TOP3A: variants seen among roughly 807,000 people sequenced by gnomAD.
TOP3A encodes DNA topoisomerase 3-alpha.
TOP3A carries 64 observed loss-of-function variants against 111.3 expected under a neutral mutation model. That is an observed-to-expected ratio of 0.57 (90% CI 0.47 to 0.71). The LOEUF (loss-of-function observed/expected upper bound fraction) is 0.71. TOP3A is among the 30% of genes least tolerant of loss of function. The pLI is 0.00. For synonymous variants in TOP3A, 484 were observed against 485.1 expected, an observed-to-expected ratio of 1.00 and a Z score of 0.03; for missense variants, 1,104 against 1,285.0, an observed-to-expected ratio of 0.86 and a Z score of 2.15.
At chr17:18,294,620 GC>G in intron 10 of TOP3A, 82 bp downstream of exon 10, 1 of 1,081,472 alleles carries the variant, frequency 9.2e-7, no homozygotes, top group Non-Finnish European at 1.4e-6. Flanking sequence ...GAGCCACCGT[GC>G]CCAACCCATA....
Position 18,282,720 on chromosome 17 carries a change from G to A in TOP3A, c.1999C>T (p.Leu667Phe). The A allele has an allele frequency of 6.2e-7, 1 of 1,613,868 alleles. No homozygotes were observed. Among genetic ancestry groups the A allele is most frequent in the Admixed American group, 1.7e-5 (1 of 60,022 alleles). Residue 667 changes from leucine to phenylalanine, a missense_variant, in exon 16 of 19, where the codon CTT becomes TTT. Physicochemically the swap from Leu to Phe is conservative, Grantham distance 22. Transcript: ENST00000321105. ...CACCCGCCATTCTTCTTGGTCTTAA[G>A]GACCATGTCCTTGTTGCACTGTGGG... Reference protein sequence around the residue: ...KCPQCNKDMVLKTKKNGGFYL... With the variant: ...KCPQCNKDMVFKTKKNGGFYL...
At chr17:18,295,200 T>G (rs1980721399) in intron 9 of TOP3A, among the ~76,000 whole-genome samples, 2 of 152,156 alleles carry the variant, frequency 1.3e-5, no homozygotes, top group Non-Finnish European at 2.9e-5. Context: ...TCGCCTAGGC[T>G]GGAGTGCAGT....
intron 13 of TOP3A, among the ~76,000 whole-genome samples, chr17:18,289,898 G>A (rs1167176689): frequency 6.6e-6 from 1 of 152,190 alleles, no homozygotes; most frequent in Non-Finnish European, 1.5e-5. Flanking sequence ...CCCCTCCACT[G>A]TGCTGCAGGT....
intron 16 of TOP3A, among the ~76,000 whole-genome samples, chr17:18,281,792 A>G (rs1215666442): frequency 6.6e-6 from 1 of 152,210 alleles, no homozygotes; most frequent in African/African-American, 2.4e-5. Flanking sequence ...TTCAGCAGCA[A>G]GGAGCACAGC....
chr17:18,299,441 G>A, intron 9 of TOP3A, 118 bp downstream of exon 9: 1 of 867,240 alleles, frequency 1.2e-6, no homozygotes, highest in Non-Finnish European at 2.0e-6. Flanking sequence ...GTGTTTTCTT[G>A]TGTGGCCTGG....
chr17:18,280,664 G>A lies in TOP3A; in HGVS notation c.2022-6C>T, dbSNP rs201655425. ...CCATGCAGCTGAGGTAGAACCTGGGGACAAAGTGCCATGTCAGATGATAGG... is the reference window on the plus strand; with the variant it reads ...CCATGCAGCTGAGGTAGAACCTGGGAACAAAGTGCCATGTCAGATGATAGG... On this transcript the variant is annotated splice_polypyrimidine_tract_variant and splice_region_variant and intron_variant, in intron 16 of 18. Coordinates refer to ENST00000321105, the MANE Select transcript of TOP3A (RefSeq NM_004618.5). The A allele has an allele frequency of 9.5e-5, 154 of 1,613,908 alleles. No homozygotes were observed. The African/African-American group carries it at 1.6e-3, about 17-fold the overall frequency.
rs1567733601 is a variant in TOP3A at position 18,277,963 on chromosome 17, G to A, written c.2539C>T (p.Leu847=). ...CCCGGATTGGGGCTGTCTGCCCACA[G>A]GAAGAAGTTGCAGCTACCTCCGTTG... ...KCNGGSCNFF[L]WADSPNPGAG... is the part of the protein sequence containing the mutation. Residue 847 remains leucine (L), a synonymous_variant, in exon 18 of 19, where the codon CTG becomes TTG. Coordinates refer to ENST00000321105, the MANE Select transcript of TOP3A (RefSeq NM_004618.5). 1 of 1,614,050 alleles carries A rather than the reference G, an allele frequency of 6.2e-7. No homozygotes were observed. Among genetic ancestry groups the A allele is most frequent in the Non-Finnish European group, 8.5e-7 (1 of 1,180,044 alleles).
intron 1 of TOP3A, chr17:18,312,954 C>G (rs965033634): frequency 6.6e-6 from 1 of 152,230 alleles, no homozygotes; most frequent in African/African-American, 2.4e-5. Flanking sequence ...ACTAAAAATA[C>G]AAAAAATTAG....
rs1248114188 is a variant in TOP3A at position 18,313,849 on chromosome 17, A to G, written c.180+750T>C. On this transcript the variant is annotated intron_variant, in intron 1 of 18. Transcript: ENST00000321105. ...AAAAATGAGCAGGGAACTTCCACCCATGCTCTTAGAAAAGTTCTCCAGAAA... is the reference window on the plus strand; with the variant it reads ...AAAAATGAGCAGGGAACTTCCACCCGTGCTCTTAGAAAAGTTCTCCAGAAA... 3.3e-5 allele frequency among the ~76,000 whole-genome samples: 5 copies of G among 152,168 alleles called. No individual in the cohort carries two copies. The East Asian group carries it at 9.6e-4, about 29-fold the overall frequency.
Position 18,272,978 on chromosome 17 carries a change from A to C in TOP3A, c.*1824T>G, listed in dbSNP as rs56360702. ...CCTGGTATGATTCCATTTAAACAAA[A>C]TATCCAGAGTAGGTAAACCCACAGA... On this transcript the variant is annotated 3_prime_UTR_variant, in exon 19 of 19. Transcript: ENST00000321105. 0.11 allele frequency: 16,616 copies of C among 152,226 alleles called. 1,024 individuals are homozygous for C. The highest frequency in any genetic ancestry group is 0.18 in the South Asian group (881 of 4,824). The allele number at this position is 152,226 out of a possible 1,614,324, so 9.4% of individuals were successfully genotyped here.
chr17:18,289,326 G>T (rs1456764797), intron 13 of TOP3A, among the ~76,000 whole-genome samples: 1 of 141,280 alleles, frequency 7.1e-6, no homozygotes, highest in African/African-American at 2.7e-5. Context: ...GATCTGTTTT[G>T]TTGTTGTTGT....
In TOP3A at chr17:18,306,913, G is replaced by A. The variant is rs1981612687; in HGVS notation, c.368C>T (p.Pro123Leu). The change falls in exon 4 of 19, where the codon CCA (proline) becomes CTA (leucine). Residue 123 changes from proline (P) to leucine (L), a missense_variant. Coordinates refer to ENST00000321105, the MANE Select transcript of TOP3A (RefSeq NM_004618.5). ...LFEAEIEKYCPENFVDIKKTL... is the reference protein window; with the variant it reads ...LFEAEIEKYCLENFVDIKKTL... ...TACCTTGATGTCTACAAAATTCTCT[G>A]GGCAGTACTTTTCAATTTCTGCTTC... is the stretch of plus-strand genomic sequence containing the variant. 6.2e-7 allele frequency: 1 copy of A among 1,613,422 alleles called. No homozygotes were observed. Among genetic ancestry groups the A allele is most frequent in the African/African-American group, 1.3e-5 (1 of 75,006 alleles).
chr17:18,305,227 T>C lies in TOP3A; in HGVS notation c.391-7A>G. 1.2e-6 allele frequency: 2 copies of C among 1,611,204 alleles called. No homozygotes were observed. Among genetic ancestry groups the C allele is most frequent in the South Asian group, 2.2e-5 (2 of 91,004 alleles). On this transcript the variant is annotated splice_region_variant and splice_polypyrimidine_tract_variant and intron_variant, in intron 4 of 18. Transcript: ENST00000321105. ...TCTCTCGTTCCAAAGTTTTCTTAAG[T>C]TCGCAGTGGAATAAGAGTGGTGAGA...
intron 15 of TOP3A, among the ~76,000 whole-genome samples, chr17:18,284,084 C>T (rs1429176024): frequency 6.6e-6 from 1 of 152,190 alleles, no homozygotes; most frequent in African/African-American, 2.4e-5. Flanking sequence ...ATTGCAACCT[C>T]CACCTTCCGG....
At chr17:18,283,017 G>A (rs1979864456) in intron 15 of TOP3A, among the ~76,000 whole-genome samples, 176 bp from the exon 16 acceptor site, 1 of 152,216 alleles carries the variant, frequency 6.6e-6, no homozygotes, top group Non-Finnish European at 1.5e-5. Flanking sequence ...GGGCCCTGGT[G>A]CCGAACCAAC....
rs1350681522 is a variant in TOP3A at position 18,280,647 on chromosome 17, C to T, written c.2033G>A (p.Ser678Asn). Residue 678 changes from serine to asparagine, a missense_variant, in exon 17 of 19, where the codon AGC becomes AAC. Physicochemically the swap from Ser to Asn is conservative, Grantham distance 46 (BLOSUM62 1). Transcript: ENST00000321105. ...GCGACACTCTGGGAAACCCATGCAG[C>T]TGAGGTAGAACCTGGGGACAAAGTG... ...KTKKNGGFYL[S>N]CMGFPECRSA... The T allele has an allele frequency of 3.1e-6, 5 of 1,614,064 alleles. 1 individual carries two copies. The highest frequency in any genetic ancestry group is 1.6e-4 in the Middle Eastern group (1 of 6,062).
At chr17:18,307,817 T>C (rs757481214) in intron 3 of TOP3A, among the ~76,000 whole-genome samples, 6 of 135,622 alleles carry the variant, frequency 4.4e-5, no homozygotes, top group Non-Finnish European at 7.8e-5. Context: ...AACTGAGGCA[T>C]GAGAATCGCT....
At position 18,314,942 on chromosome 17, in the gene TOP3A, G is replaced by A; in HGVS notation, c.-164C>T. 7.8e-6 allele frequency: 2 copies of A among 255,824 alleles called. No individual in the cohort carries two copies. Among genetic ancestry groups the A allele is most frequent in the Non-Finnish European group, 1.5e-5 (2 of 132,978 alleles). 15.8% of individuals were successfully genotyped at this position (255,824 alleles called of 1,614,324 possible). A position where few individuals can be genotyped will look rare whatever the true frequency, so the allele number is the denominator to read the frequency against. Reference sequence around the variant, plus strand: ...GAGCTTCAGTCACTGAGCCTTTCCCGTGCCGCAGCCGCCGCCTCAGCACCG... The same window carrying A: ...GAGCTTCAGTCACTGAGCCTTTCCCATGCCGCAGCCGCCGCCTCAGCACCG... On this transcript the variant is annotated 5_prime_UTR_variant, in exon 1 of 19. It adds an upstream start codon to the 5' untranslated region. Transcript: ENST00000321105.
At chr17:18,277,582 G>T in intron 18 of TOP3A, 93 bp downstream of exon 18, 1 of 1,447,504 alleles carries the variant, frequency 6.9e-7, no homozygotes, top group Non-Finnish European at 9.3e-7. Context: ...ATCCCACCAT[G>T]ACCCTGCCTT....
Sources: allele counts gnomAD v4.1 joint callset (sites outside exome capture counted in the v4.1 genomes callset), GRCh38; gene constraint gnomAD v4.1.1; transcripts MANE v1.5; gene names NCBI Gene and HGNC (gene_info 2026-07-23, HGNC 2026-07-21).